The following HDAC9 variants were observed in gnomAD, a reference collection of about 807,000 sequenced individuals.
HDAC9 encodes histone deacetylase 9.
HDAC9 carries 41 observed loss-of-function variants against 139.4 expected under a neutral mutation model. The observed-to-expected ratio is 0.29, with a 90% CI of 0.23 to 0.38. HDAC9 has a LOEUF of 0.38. Among genes scored for constraint, HDAC9 ranks in the 10% least tolerant of loss-of-function variants. The probability of loss-of-function intolerance (pLI) is 1.00; values close to 1 mark genes in which losing one functional copy is unlikely to be tolerated. For missense variants in HDAC9, 1,147 were observed against 1,297.0 expected (o/e 0.88, Z 1.78); for synonymous variants, 517 against 476.2 (o/e 1.09, Z -1.12).
At chr7:18,177,184 T>C (rs1406088214) in intron 2 of HDAC9, among the ~76,000 whole-genome samples, 1 of 152,176 alleles carries the variant, frequency 6.6e-6, no homozygotes, top group African/African-American at 2.4e-5. Flanking sequence ...AAGTAAGTTA[T>C]GGAAAATAAA....
In HDAC9 at chr7:18,121,556, A is replaced by C. The variant is rs1381655907; in HGVS notation, c.-97+34343A>C. Among the ~76,000 whole-genome samples, 22 of 152,222 alleles carry C rather than the reference A, an allele frequency of 1.4e-4. No individual in the cohort carries two copies. In the South Asian group the frequency reaches 4.4e-3, roughly 30 times the overall value. ...CCATAAGAATATGCAAAAAAAAAAA[A>C]AAACCATTGAAATTATCTATAAAGG... On this transcript the variant is annotated intron_variant, in intron 1 of 12. Transcript: ENST00000417496.
At position 18,470,036 on chromosome 7, in the gene HDAC9, T is replaced by A. The variant is rs541009186; in HGVS notation, c.-41-26226T>A. Among the ~76,000 whole-genome samples the A allele has an allele frequency of 3.3e-5, 5 of 151,406 alleles. 1 individual carries two copies. The highest frequency in any genetic ancestry group is 9.8e-5 in the African/African-American group (4 of 40,770). On this transcript the variant is annotated intron_variant, in intron 1 of 3. Coordinates refer to the HDAC9 transcript ENST00000413509. ...TAGTTTCTAAGACAAGTATATATAT[T>A]TTTTTAATTTAAGAAACAGGGCCAG...
At chr7:18,727,298 G>C (rs1399810887) in intron 12 of HDAC9, among the ~76,000 whole-genome samples, 1 of 152,180 alleles carries the variant, frequency 6.6e-6, no homozygotes, top group Admixed American at 6.5e-5. Flanking sequence ...TGAGGTTAAA[G>C]GTCTGTTTCT....
chr7:18,935,139 T>G (rs1329600965), intron 22 of HDAC9, among the ~76,000 whole-genome samples: 1 of 152,192 alleles, frequency 6.6e-6, no homozygotes, highest in Non-Finnish European at 1.5e-5. Flanking sequence ...AGGAGGAGGA[T>G]AGCTACTGTC....
intron 1 of HDAC9, among the ~76,000 whole-genome samples, chr7:18,427,308 T>A (rs994286726): frequency 6.6e-6 from 1 of 152,172 alleles, no homozygotes; most frequent in South Asian, 2.1e-4. Flanking sequence ...CAGTCCCCAA[T>A]TGCCAGAGAA....
intron 1 of HDAC9, among the ~76,000 whole-genome samples, chr7:18,314,438 G>A (rs1264422226): frequency 5.3e-5 from 8 of 152,186 alleles, no homozygotes; most frequent in Admixed American, 5.2e-4. Context: ...TGAGAATCCT[G>A]CTATTAATAG....
intron 12 of HDAC9, among the ~76,000 whole-genome samples, chr7:18,671,677 TA>T: frequency 6.6e-6 from 1 of 152,026 alleles, no homozygotes; most frequent in South Asian, 2.1e-4. Flanking sequence ...ACACTTCCAT[TA>T]ACCCCAACTC....
At chr7:18,214,465 ATC>A (rs1792157987) in intron 2 of HDAC9, among the ~76,000 whole-genome samples, 1 of 152,094 alleles carries the variant, frequency 6.6e-6, no homozygotes, top group East Asian at 1.9e-4. Context: ...AAAGAGTCTG[ATC>A]TCTCTCATCC....
At chr7:18,777,979 G>A (rs1303418302) in intron 16 of HDAC9, among the ~76,000 whole-genome samples, 1 of 151,846 alleles carries the variant, frequency 6.6e-6, no homozygotes, top group Non-Finnish European at 1.5e-5. Context: ...TGCTAAAGAT[G>A]CAATTGAAGT....
At chr7:18,790,395 T>C (rs1792194557) in intron 16 of HDAC9, among the ~76,000 whole-genome samples, 1 of 143,528 alleles carries the variant, frequency 7.0e-6, no homozygotes, top group East Asian at 2.0e-4. Flanking sequence ...GGAACTTTAG[T>C]ACAAGGAAAG....
chr7:18,117,459 C>G (rs1339622916), intron 1 of HDAC9, among the ~76,000 whole-genome samples: 1 of 150,280 alleles, frequency 6.7e-6, no homozygotes, highest in Non-Finnish European at 1.5e-5. Context: ...GCACTCCAGC[C>G]TGGGCAACAG....
chr7:18,895,018 G>A (rs888989639), intron 22 of HDAC9, among the ~76,000 whole-genome samples: 6 of 152,054 alleles, frequency 3.9e-5, no homozygotes, highest in South Asian at 2.1e-4. Flanking sequence ...GAATTCGAAT[G>A]GGCAAGAACA....
intron 8 of HDAC9, among the ~76,000 whole-genome samples, chr7:18,643,369 T>A (rs147366826): frequency 6.6e-6 from 1 of 152,290 alleles, no homozygotes; most frequent in East Asian, 1.9e-4. Context: ...ACATACCTCT[T>A]GGTTTTCATG....
chr7:18,341,533 A>G (rs1282427985), intron 1 of HDAC9, among the ~76,000 whole-genome samples: 2 of 151,578 alleles, frequency 1.3e-5, no homozygotes, highest in African/African-American at 4.8e-5. Flanking sequence ...TGTTAGTCTC[A>G]TCCAAAGTGT....
rs894503827 is a variant in HDAC9, at chr7:18,996,900, A to G, written c.*838A>G. 1.3e-5 allele frequency: 2 copies of G among 152,190 alleles called. No individual in the cohort carries two copies. Among genetic ancestry groups the G allele is most frequent in the Non-Finnish European group, 2.9e-5 (2 of 68,042 alleles). The allele number at this position is 152,190 out of a possible 1,614,324, so 9.4% of individuals were successfully genotyped here. ...GTAGGTCTGAGCAAATGTTCCACCA[A>G]GCATTTTCAGTGTCTTTGAAAAGCA... On this transcript the variant is annotated 3_prime_UTR_variant, in exon 26 of 26. Coordinates refer to ENST00000686413, the MANE Select transcript of HDAC9 (RefSeq NM_178425.4).
intron 21 of HDAC9, among the ~76,000 whole-genome samples, chr7:18,846,994 C>G (rs189649510): frequency 1.3e-5 from 2 of 152,114 alleles, no homozygotes; most frequent in Non-Finnish European, 2.9e-5. Flanking sequence ...GAGCTAGGCC[C>G]GTTTCTCAGT....
intron 17 of HDAC9, among the ~76,000 whole-genome samples, chr7:18,822,261 C>T (rs902003620): frequency 6.6e-6 from 1 of 152,160 alleles, no homozygotes; most frequent in African/African-American, 2.4e-5. Flanking sequence ...TCCAGGAGCC[C>T]CCAGCCCCCA....
At chr7:18,484,769 C>T (rs1446758078) in intron 1 of HDAC9, among the ~76,000 whole-genome samples, 2 of 151,664 alleles carry the variant, frequency 1.3e-5, no homozygotes, top group Non-Finnish European at 2.9e-5. Flanking sequence ...GAGAAGATTG[C>T]TTGAGCCTAG....
At chr7:18,612,890 A>T (rs1225979512) in intron 6 of HDAC9, among the ~76,000 whole-genome samples, 2 of 152,008 alleles carry the variant, frequency 1.3e-5, no homozygotes, top group African/African-American at 4.8e-5. Context: ...GTTTATGTTT[A>T]CAGAAAGTTT....
Sources: gnomAD v4.1 joint callset for allele counts (sites outside exome capture counted in the v4.1 genomes callset) on GRCh38, gnomAD v4.1.1 for gene constraint, MANE v1.5 for transcripts, NCBI Gene and HGNC (gene_info 2026-07-23, HGNC 2026-07-21) for gene names.